Variants in USP16 observed in about 807,000 individuals in gnomAD.
USP16 encodes ubiquitin carboxyl-terminal hydrolase 16.
USP16 carries 77 observed loss-of-function variants against 95.9 expected under a neutral mutation model. The observed-to-expected ratio is 0.80, with a 90% CI of 0.67 to 0.97. USP16 has a LOEUF of 0.97. USP16 is among the 50% of genes least tolerant of loss of function. The pLI is 0.00. For missense variants in USP16, 943 were observed against 959.9 expected, an observed-to-expected ratio of 0.98 and a Z score of 0.23; for synonymous variants, 303 against 318.2, an observed-to-expected ratio of 0.95 and a Z score of 0.51.
At position 29,041,996 on chromosome 21, in the gene USP16, C is replaced by T; in HGVS notation, c.1031-17C>T. 2 of 1,603,824 alleles carry T rather than the reference C, an allele frequency of 1.2e-6. No homozygotes were observed. The highest frequency in any genetic ancestry group is 1.7e-6 in the Non-Finnish European group (2 of 1,172,666). On this transcript the variant is annotated splice_polypyrimidine_tract_variant and intron_variant, in intron 10 of 17. Coordinates refer to ENST00000399976, the MANE Select transcript of USP16 (RefSeq NM_006447.3). ...ATAACGGTAATTGGTAATTGATAGA[C>T]TTTTTTTTCTCCATAGATTATGAGA...
At chr21:29,043,630 G>C (rs1380613456) in intron 13 of USP16, 31 bp downstream of exon 13, 1 of 1,478,744 alleles carries the variant, frequency 6.8e-7, no homozygotes, top group South Asian at 1.5e-5. Context: ...TCATATGCTT[G>C]TAATTTTATA....
chr21:29,048,717 C>T, intron 14 of USP16, 44 bp from the exon 15 acceptor site: 1 of 1,501,690 alleles, frequency 6.7e-7, no homozygotes, highest in South Asian at 1.1e-5. Context: ...CTTTAGGGGT[C>T]TAAAATGATT....
intron 3 of USP16, among the ~76,000 whole-genome samples, chr21:29,031,431 G>C: frequency 1.3e-5 from 2 of 152,196 alleles, no homozygotes; most frequent in Non-Finnish European, 2.9e-5. Context: ...AGATCAGGCA[G>C]ATAGCCAGTT....
At chr21:29,041,369 A>G (rs1412741120) in intron 10 of USP16, among the ~76,000 whole-genome samples, 2 of 152,166 alleles carry the variant, frequency 1.3e-5, no homozygotes, top group Non-Finnish European at 2.9e-5. Context: ...TCATTTGAAT[A>G]ATGCTTATAG....
rs187932099 is a variant in USP16, at chr21:29,054,107, G to A, written c.2392G>A (p.Asp798Asn). The A allele has an allele frequency of 5.6e-6, 9 of 1,614,182 alleles. No homozygotes were observed. The highest frequency in any genetic ancestry group is 5.0e-5 in the Admixed American group (3 of 60,030). ...ESKGQWFHIS[D>N]THVQAVPTTK... ...AAAAGGGCAGTGGTTTCACATCAGC[G>A]ACACACATGTGCAAGCTGTGCCTAC... Residue 798 changes from aspartate to asparagine, a missense_variant, in exon 18 of 18, where the codon GAC becomes AAC. By Grantham distance (23) the Asp-to-Asn change is conservative. Coordinates refer to ENST00000399976, the MANE Select transcript of USP16 (RefSeq NM_006447.3).
chr21:29,048,098 T>TGTGTGTGTGTGTG (rs2085358235), intron 14 of USP16, among the ~76,000 whole-genome samples: 3 of 141,010 alleles, frequency 2.1e-5, no homozygotes, highest in Non-Finnish European at 4.7e-5. Flanking sequence ...TGTGTGTGTG[T>TGTGTGTGTGTGTG]TTTGAGACAG....
chr21:29,049,092 G>A lies in USP16; in HGVS notation c.2106+237G>A, dbSNP rs16983655. Among the ~76,000 whole-genome samples the A allele has an allele frequency of 8.7e-3, 1,317 of 152,088 alleles. 14 individuals are homozygous for A. The highest frequency in any genetic ancestry group is 0.029 in the African/African-American group (1,221 of 41,446). On this transcript the variant is annotated intron_variant, in intron 15 of 17. Transcript: ENST00000399976. ...TCATTTATGTCCCTCTTTTTAGTAC[G>A]ATTGGCATCTTACTTTTATTTCAGG...
intron 15 of USP16, among the ~76,000 whole-genome samples, chr21:29,049,392 G>T (rs1403285420): frequency 6.6e-6 from 1 of 152,114 alleles, no homozygotes; most frequent in Non-Finnish European, 1.5e-5. Context: ...CTAATTGGGT[G>T]GGCCTTTATT....
At chr21:29,036,213 G>A in intron 4 of USP16, 58 bp from the exon 5 acceptor site, 1 of 1,368,652 alleles carries the variant, frequency 7.3e-7, no homozygotes, top group Non-Finnish European at 1.0e-6. Flanking sequence ...ATTATTATTT[G>A]TCTCCCCCTT....
At chr21:29,041,462 G>A (rs1038737435) in intron 10 of USP16, among the ~76,000 whole-genome samples, 8 of 152,086 alleles carry the variant, frequency 5.3e-5, no homozygotes, top group African/African-American at 1.9e-4. Flanking sequence ...ATTATTTCTG[G>A]GAGCATAGGA....
At chr21:29,039,354 G>T (rs1251740268) in intron 8 of USP16, 127 bp from the exon 9 acceptor site, 1 of 1,182,260 alleles carries the variant, frequency 8.5e-7, no homozygotes, top group Non-Finnish European at 1.1e-6. Context: ...GGTGTTAATG[G>T]ACTAAACGGA....
At chr21:29,034,210 G>A (rs1238190092) in intron 3 of USP16, among the ~76,000 whole-genome samples, 1 of 152,040 alleles carries the variant, frequency 6.6e-6, no homozygotes, top group Non-Finnish European at 1.5e-5. Context: ...TTAGGAGACT[G>A]TTAAGGAATC....
At chr21:29,026,859 T>G (rs922518589) in intron 1 of USP16, among the ~76,000 whole-genome samples, 8 of 152,166 alleles carry the variant, frequency 5.3e-5, no homozygotes, top group African/African-American at 1.9e-4. Flanking sequence ...AGTGGTTTTT[T>G]TTGTTGTTGT....
At chr21:29,046,626 T>G in intron 13 of USP16, 41 bp from the exon 14 acceptor site, 1 of 1,546,716 alleles carries the variant, frequency 6.5e-7, no homozygotes, top group Non-Finnish European at 8.7e-7. Context: ...TCCCGCTCTT[T>G]CTTTTTCTTT....
At chr21:29,039,385 C>A in intron 8 of USP16, 96 bp from the exon 9 acceptor site, 2 of 1,358,676 alleles carry the variant, frequency 1.5e-6, no homozygotes, top group Non-Finnish European at 2.0e-6. Context: ...AACCAGAACT[C>A]TCTGAGATTT....
chr21:29,025,692 C>G (rs2084976492), intron 1 of USP16: 1 of 977,070 alleles, frequency 1.0e-6, no homozygotes, highest in Non-Finnish European at 1.2e-6. Context: ...ATTTTTCACC[C>G]TTTTCTTTTT....
At chr21:29,025,691 C>T (rs2084976441) in intron 1 of USP16, 1 of 974,420 alleles carries the variant, frequency 1.0e-6, no homozygotes. Flanking sequence ...CATTTTTCAC[C>T]CTTTTCTTTT....
chr21:29,036,359 A>G lies in USP16; in HGVS notation c.433A>G (p.Thr145Ala). The change falls in exon 5 of 18, where the codon ACA becomes GCA. Residue 145 changes from threonine (T) to alanine (A), a missense_variant. Coordinates refer to ENST00000399976, the MANE Select transcript of USP16 (RefSeq NM_006447.3). The stretch of plus-strand genomic sequence containing the variant: ...TTATGTCAGAAAACAAGCCAGCATT[A>G]CAACTCCAAAGCCAGGTAAAATAAT... ...VDYVRKQASI[T>A]TPKPAEKDNG... 1.9e-6 allele frequency: 3 copies of G among 1,613,924 alleles called. No individual in the cohort carries two copies. Among genetic ancestry groups the G allele is most frequent in the Non-Finnish European group, 2.5e-6 (3 of 1,179,884 alleles).
chr21:29,039,576 T>C lies in USP16; in HGVS notation c.951+8T>C. The C allele has an allele frequency of 6.2e-7, 1 of 1,610,316 alleles. No individual in the cohort carries two copies. ...AGAGCAGAAGAACACCAAGTTAGCA[T>C]GTTATGACCATTGTATTTTATGATC... On this transcript the variant is annotated splice_region_variant and intron_variant, in intron 9 of 17. Transcript: ENST00000399976.
Sources: allele counts gnomAD v4.1 joint callset (sites outside exome capture counted in the v4.1 genomes callset), GRCh38; gene constraint gnomAD v4.1.1; transcripts MANE v1.5; gene names NCBI Gene and HGNC (gene_info 2026-07-23, HGNC 2026-07-21).